Variants in TSPAN2 observed in about 807,000 individuals in gnomAD.
TSPAN2 encodes the protein tetraspanin-2.
In TSPAN2, 24 loss-of-function variants were observed where a neutral mutation model predicts 33.3. The ratio of observed to expected loss-of-function variants is 0.72; its 90% CI spans 0.52 to 1.01. TSPAN2 has a LOEUF of 1.01. Among genes scored for constraint, TSPAN2 ranks in the 50% least tolerant of loss-of-function variants. The probability of loss-of-function intolerance (pLI) is 0.00; values close to 1 mark genes in which losing one functional copy is unlikely to be tolerated. For synonymous variants in TSPAN2, 114 were observed against 104.5 expected (o/e 1.09, Z -0.56); for missense variants, 278 against 281.3 (o/e 0.99, Z 0.08).
intron 6 of TSPAN2, among the ~76,000 whole-genome samples, chr1:115,057,328 C>T (rs767884778): frequency 2.0e-5 from 3 of 152,142 alleles, no homozygotes; most frequent in Admixed American, 6.6e-5. Flanking sequence ...TCTAAAGGGC[C>T]CTCTTTAACA....
chr1:115,061,487 C>T (rs1441028131), intron 3 of TSPAN2, among the ~76,000 whole-genome samples: 1 of 152,152 alleles, frequency 6.6e-6, no homozygotes, highest in East Asian at 1.9e-4. Flanking sequence ...TTGTAGATAA[C>T]AGCACTTCCC....
intron 2 of TSPAN2, among the ~76,000 whole-genome samples, chr1:115,070,336 T>C (rs1052118996): frequency 6.6e-6 from 1 of 152,014 alleles, no homozygotes; most frequent in African/African-American, 2.4e-5. Flanking sequence ...CTGTGGGTTA[T>C]ACCCTAATTT....
chr1:115,062,057 G>C, intron 3 of TSPAN2, 78 bp downstream of exon 3: 1 of 1,265,178 alleles, frequency 7.9e-7, no homozygotes, highest in South Asian at 1.4e-5. Flanking sequence ...GGAGCCAGGG[G>C]CCAGAGGCAC....
At chr1:115,071,021 A>T (rs1332608295) in intron 2 of TSPAN2, among the ~76,000 whole-genome samples, 1 of 152,140 alleles carries the variant, frequency 6.6e-6, no homozygotes, top group African/African-American at 2.4e-5. Context: ...ACTTCCTGGA[A>T]ACCATGTGGG....
intron 1 of TSPAN2, among the ~76,000 whole-genome samples, chr1:115,081,138 T>C (rs1648610759): frequency 6.6e-6 from 1 of 152,248 alleles, no homozygotes; most frequent in African/African-American, 2.4e-5. Flanking sequence ...GGGTGGAATC[T>C]AGCAGAAATT....
At chr1:115,076,000 T>C (rs1648391219) in intron 1 of TSPAN2, among the ~76,000 whole-genome samples, 1 of 150,766 alleles carries the variant, frequency 6.6e-6, no homozygotes, top group Admixed American at 6.6e-5. Context: ...GAAAAAGACA[T>C]GGTTCATAGT....
intron 6 of TSPAN2, among the ~76,000 whole-genome samples, chr1:115,053,961 T>G (rs1034178596): frequency 6.6e-6 from 1 of 152,246 alleles, no homozygotes; most frequent in Admixed American, 6.5e-5. Flanking sequence ...AGCCAAGAAT[T>G]AGAAAAGCCA....
At chr1:115,082,573 A>C (rs1046943848) in intron 1 of TSPAN2, among the ~76,000 whole-genome samples, 2 of 152,254 alleles carry the variant, frequency 1.3e-5, no homozygotes, top group African/African-American at 4.8e-5. Flanking sequence ...TTAACTTTTT[A>C]AACTGTCTCT....
chr1:115,062,173 A>T lies in TSPAN2; in HGVS notation c.232T>A (p.Cys78Ser), dbSNP rs1273557628. The T allele has an allele frequency of 3.8e-6, 6 of 1,598,846 alleles. No homozygotes were observed. In the Admixed American group the frequency reaches 1.0e-4, roughly 28 times the overall value. Residue 78 changes from cysteine to serine, a missense_variant, in exon 3 of 8, where the codon TGC (cysteine) becomes AGC (serine). Transcript: ENST00000369516. ...CATTGCGACTCCCGCATGGCTCCGC[A>T]GCACCCGAAGAACCCCACGGCCATC... ...LMMAVGFFGC[C>S]GAMRESQCVL...
chr1:115,086,811 T>G (rs1267483996), intron 1 of TSPAN2, among the ~76,000 whole-genome samples: 2 of 152,236 alleles, frequency 1.3e-5, no homozygotes, highest in African/African-American at 4.8e-5. Flanking sequence ...GTCTCAAATT[T>G]GAGCATGGAT....
intron 1 of TSPAN2, among the ~76,000 whole-genome samples, chr1:115,078,826 C>G (rs771433818): frequency 6.6e-6 from 1 of 152,222 alleles, no homozygotes; most frequent in Non-Finnish European, 1.5e-5. Context: ...CGAACAACCT[C>G]CTTCACAAGT....
intron 2 of TSPAN2, among the ~76,000 whole-genome samples, chr1:115,070,031 C>A (rs1648103319): frequency 6.6e-6 from 1 of 152,140 alleles, no homozygotes; most frequent in Admixed American, 6.5e-5. Context: ...AAATGGTTAT[C>A]AGCCCTTTGT....
At chr1:115,063,945 A>G (rs72697927) in intron 2 of TSPAN2, among the ~76,000 whole-genome samples, 7,047 of 152,168 alleles carry the variant, frequency 0.046, 184 homozygotes, top group Middle Eastern at 0.071. Context: ...TGGATACTAT[A>G]TTCATTACCT....
intron 2 of TSPAN2, among the ~76,000 whole-genome samples, chr1:115,067,842 G>T (rs1473603020): frequency 1.3e-5 from 2 of 152,182 alleles, no homozygotes; most frequent in East Asian, 3.8e-4. Context: ...AGTTTTCCAA[G>T]GGCTGAGGGG....
chr1:115,055,950 C>T (rs371095356), intron 6 of TSPAN2, among the ~76,000 whole-genome samples: 6 of 152,254 alleles, frequency 3.9e-5, no homozygotes, highest in South Asian at 2.1e-4. Context: ...TGCACAAAAA[C>T]GTCTGTCTGC....
At position 115,066,779 on chromosome 1, in the gene TSPAN2, T is replaced by G. The variant is rs147010036; in HGVS notation, c.173-4547A>C. Among the ~76,000 whole-genome samples the G allele has an allele frequency of 5.7e-3, 867 of 152,336 alleles. 7 individuals carry two copies. Among genetic ancestry groups the G allele is most frequent in the Middle Eastern group, 0.037 (11 of 294 alleles). On this transcript the variant is annotated intron_variant, in intron 2 of 7. Coordinates refer to ENST00000369516, the MANE Select transcript of TSPAN2 (RefSeq NM_005725.6). Reference sequence around the variant, plus strand: ...AAATATCTAGAATATTGAATGCAACTTAGTTTTTGGGAAGGGCAAGTGTTT... The same window carrying G: ...AAATATCTAGAATATTGAATGCAACGTAGTTTTTGGGAAGGGCAAGTGTTT...
chr1:115,084,006 G>A lies in TSPAN2; in HGVS notation c.69+5358C>T, dbSNP rs367710039. On this transcript the variant is annotated intron_variant, in intron 1 of 7. Coordinates refer to ENST00000369516, the MANE Select transcript of TSPAN2 (RefSeq NM_005725.6). ...TTCCCAGCACTTGGCAGGGAACGGTGGAGGAAGTGATCTCTCCTTTTGACT... is the reference window on the plus strand; with the variant it reads ...TTCCCAGCACTTGGCAGGGAACGGTAGAGGAAGTGATCTCTCCTTTTGACT... Among the ~76,000 whole-genome samples, 3 of 152,168 alleles carry A rather than the reference G, an allele frequency of 2.0e-5. No homozygotes were observed. In the East Asian group the frequency reaches 5.8e-4, roughly 29 times the overall value.
At position 115,048,173 on chromosome 1, in the gene TSPAN2, G is replaced by GTATATA. The variant is rs34617679; in HGVS notation, c.*2311_*2316dup. 1.4e-5 allele frequency: 2 copies of GTATATA among 147,858 alleles called. No individual in the cohort carries two copies. Among genetic ancestry groups the GTATATA allele is most frequent in the Non-Finnish European group, 3.0e-5 (2 of 66,836 alleles). 9.2% of individuals were successfully genotyped at this position (147,858 alleles called of 1,614,324 possible). A position where few individuals can be genotyped will look rare whatever the true frequency, so the allele number is the denominator to read the frequency against. On this transcript the variant is annotated 3_prime_UTR_variant, in exon 8 of 8. Transcript: ENST00000369516. ...GCTGAAAATTTATGTATATGTGTAT[G>GTATATA]TATATATATATATACACACACATCT... is the stretch of plus-strand genomic sequence containing the variant.
At chr1:115,052,395 T>G (rs1277999525) in intron 7 of TSPAN2, among the ~76,000 whole-genome samples, 1 of 152,200 alleles carries the variant, frequency 6.6e-6, no homozygotes. Flanking sequence ...GCATTAGCTA[T>G]TATCATCCAA....
Sources: allele counts gnomAD v4.1 joint callset (sites outside exome capture counted in the v4.1 genomes callset), GRCh38; gene constraint gnomAD v4.1.1; transcripts MANE v1.5; gene names NCBI Gene and HGNC (gene_info 2026-07-23, HGNC 2026-07-21).